CSMD1: variants seen among roughly 807,000 people sequenced by gnomAD.
CSMD1 encodes CUB and Sushi multiple domains 1, also known as CUB and sushi domain-containing protein 1.
Under a neutral mutation model 417.5 loss-of-function variants are expected in CSMD1, and 213 were observed. The observed-to-expected ratio is 0.51, with a 90% CI of 0.46 to 0.57. The LOEUF is 0.57. CSMD1 is among the 20% of genes least tolerant of loss of function. The probability of loss-of-function intolerance (pLI) is 0.00; values close to 1 mark genes in which losing one functional copy is unlikely to be tolerated. For synonymous variants in CSMD1, 2,862 were observed against 1,736.8 expected (o/e 1.65, Z -16.11); for missense variants, 6,923 against 4,529.7 (o/e 1.53, Z -15.17).
At chr8:4,233,665 G>A (rs1367164902) in intron 3 of CSMD1, among the ~76,000 whole-genome samples, 2 of 152,110 alleles carry the variant, frequency 1.3e-5, no homozygotes, top group Non-Finnish European at 2.9e-5. Flanking sequence ...GCAAATTTCT[G>A]TGCTTTATAA....
intron 1 of CSMD1, among the ~76,000 whole-genome samples, chr8:4,837,912 A>C (rs187656541): frequency 2.6e-4 from 39 of 152,202 alleles, no homozygotes; most frequent in African/African-American, 9.4e-4. Flanking sequence ...AAAAAAAATA[A>C]AAATAAACTA....
At chr8:3,626,598 G>A (rs1187655879) in intron 7 of CSMD1, among the ~76,000 whole-genome samples, 1 of 151,496 alleles carries the variant, frequency 6.6e-6, no homozygotes, top group Non-Finnish European at 1.5e-5. Context: ...AGAAAACCAT[G>A]AGATATGATT....
chr8:4,188,391 G>A (rs1048566602), intron 3 of CSMD1, among the ~76,000 whole-genome samples: 1 of 152,092 alleles, frequency 6.6e-6, no homozygotes, highest in Admixed American at 6.6e-5. Context: ...AACAACACAG[G>A]AAACATTCGT....
At chr8:4,520,572 G>A (rs1015961841) in intron 2 of CSMD1, among the ~76,000 whole-genome samples, 2 of 152,218 alleles carry the variant, frequency 1.3e-5, no homozygotes, top group South Asian at 2.1e-4. Context: ...CAGATAATCA[G>A]AGTGGTTATG....
chr8:4,070,887 T>C (rs1308801247), intron 3 of CSMD1, among the ~76,000 whole-genome samples: 3 of 152,238 alleles, frequency 2.0e-5, no homozygotes, highest in Non-Finnish European at 4.4e-5. Flanking sequence ...CTTTGTTTAC[T>C]TTCTTTTTGC....
At chr8:4,379,765 C>T (rs879146617) in intron 3 of CSMD1, among the ~76,000 whole-genome samples, 2 of 152,034 alleles carry the variant, frequency 1.3e-5, no homozygotes, top group African/African-American at 4.8e-5. Flanking sequence ...AATCTATGGC[C>T]CACACTTTAG....
chr8:3,962,673 C>T (rs1024587950), intron 5 of CSMD1, among the ~76,000 whole-genome samples: 3 of 152,098 alleles, frequency 2.0e-5, no homozygotes, highest in Admixed American at 2.0e-4. Flanking sequence ...GAAATCAGAG[C>T]AGCTGGGTGG....
chr8:3,249,603 C>A (rs1055526095), intron 26 of CSMD1, among the ~76,000 whole-genome samples: 7 of 152,144 alleles, frequency 4.6e-5, no homozygotes, highest in African/African-American at 1.7e-4. Context: ...TATAAATACA[C>A]ACACACACAT....
chr8:4,991,581 C>G (rs1304303889), intron 1 of CSMD1, among the ~76,000 whole-genome samples: 3 of 152,148 alleles, frequency 2.0e-5, no homozygotes. Context: ...CGGCAGTGGC[C>G]GGGCGCCCTC....
At chr8:4,363,001 T>A (rs1801861490) in intron 3 of CSMD1, among the ~76,000 whole-genome samples, 1 of 152,210 alleles carries the variant, frequency 6.6e-6, no homozygotes, top group South Asian at 2.1e-4. Flanking sequence ...TAGCAGTCTT[T>A]GAATAGATTT....
At chr8:4,918,710 G>C (rs186738744) in intron 1 of CSMD1, among the ~76,000 whole-genome samples, 29 of 151,866 alleles carry the variant, frequency 1.9e-4, no homozygotes, top group Non-Finnish European at 8.8e-5. Flanking sequence ...TACATTTTTC[G>C]TAATTTCACC....
chr8:3,901,808 T>C (rs1291917228), intron 5 of CSMD1, among the ~76,000 whole-genome samples: 1 of 152,206 alleles, frequency 6.6e-6, no homozygotes, highest in Non-Finnish European at 1.5e-5. Flanking sequence ...GCTCTTGGGG[T>C]GTTCACAAGT....
Position 4,772,178 on chromosome 8 carries a change from T to C in CSMD1, c.86-134620A>G, listed in dbSNP as rs142668046. Among the ~76,000 whole-genome samples the C allele has an allele frequency of 3.9e-5, 6 of 152,304 alleles. No individual in the cohort carries two copies. The East Asian group carries it at 9.7e-4, about 25-fold the overall frequency. On this transcript the variant is annotated intron_variant, in intron 1 of 69. Coordinates refer to ENST00000635120, the MANE Select transcript of CSMD1 (RefSeq NM_033225.6). ...GTGGTAGGGATGAAGTCCTGTTTTC[T>C]TGCTGGCTGATGTCCACGCATCATT...
intron 10 of CSMD1, among the ~76,000 whole-genome samples, chr8:3,562,558 T>C (rs1799516618): frequency 1.3e-5 from 2 of 152,144 alleles, no homozygotes; most frequent in African/African-American, 4.8e-5. Context: ...AGTTCCCCAC[T>C]TAAAACTCTC....
intron 26 of CSMD1, among the ~76,000 whole-genome samples, chr8:3,277,356 C>G (rs1050171290): frequency 1.3e-5 from 2 of 152,036 alleles, no homozygotes; most frequent in Non-Finnish European, 2.9e-5. Context: ...CGCAGGTGGG[C>G]CAGAAAGTAC....
At chr8:3,907,572 A>G (rs1462576148) in intron 5 of CSMD1, among the ~76,000 whole-genome samples, 1 of 152,182 alleles carries the variant, frequency 6.6e-6, no homozygotes, top group Non-Finnish European at 1.5e-5. Context: ...GTGAGTTACC[A>G]GTGGTTGTGC....
At chr8:3,078,396 T>C (rs1035295263) in intron 49 of CSMD1, among the ~76,000 whole-genome samples, 3 of 152,210 alleles carry the variant, frequency 2.0e-5, no homozygotes, top group Non-Finnish European at 4.4e-5. Context: ...TGAATAAACA[T>C]GCTGGATTTT....
rs563178425 is a variant in CSMD1 at position 3,584,454 on chromosome 8, G to GC, written c.1222+1681dup. ...TTCTAATTATCTCTAAGCGTGAGTA[G>GC]CTGGGGGGTTGAGAAGGATGGGAGA... On this transcript the variant is annotated intron_variant, in intron 9 of 69. Transcript: ENST00000635120. 3.8e-4 allele frequency among the ~76,000 whole-genome samples: 58 copies of GC among 152,272 alleles called. No homozygotes were observed. The South Asian group carries it at 0.01, about 27-fold the overall frequency.
At chr8:3,475,760 G>C (rs551430460) in intron 11 of CSMD1, among the ~76,000 whole-genome samples, 65 of 152,204 alleles carry the variant, frequency 4.3e-4, no homozygotes, top group Non-Finnish European at 2.4e-4. Flanking sequence ...ATGTGAAGCG[G>C]TTAACCCAAA....
Sources: gnomAD v4.1 joint callset for allele counts (sites outside exome capture counted in the v4.1 genomes callset) on GRCh38, gnomAD v4.1.1 for gene constraint, MANE v1.5 for transcripts, NCBI Gene and HGNC (gene_info 2026-07-23, HGNC 2026-07-21) for gene names.